The following THSD4 variants were observed in gnomAD, a reference collection of about 807,000 sequenced individuals.
THSD4 encodes thrombospondin type-1 domain-containing protein 4.
THSD4 carries 69 observed loss-of-function variants against 119.0 expected under a neutral mutation model. The ratio of observed to expected loss-of-function variants is 0.58; its 90% CI spans 0.48 to 0.71. The LOEUF (loss-of-function observed/expected upper bound fraction) is 0.71, where lower values mean the gene tolerates loss of function less well. Among genes scored for constraint, THSD4 ranks in the 30% least tolerant of loss-of-function variants. The pLI is 0.00. For synonymous variants in THSD4, 524 were observed against 540.4 expected, an observed-to-expected ratio of 0.97 and a Z score of 0.42; for missense variants, 1,393 against 1,391.1, an observed-to-expected ratio of 1.00 and a Z score of -0.02.
chr15:71,403,136 C>T (rs1206992281), intron 6 of THSD4, among the ~76,000 whole-genome samples: 1 of 152,062 alleles, frequency 6.6e-6, no homozygotes, highest in Admixed American at 6.6e-5. Context: ...CTTCCTAGTC[C>T]TGGCCATTCT....
intron 8 of THSD4, among the ~76,000 whole-genome samples, chr15:71,727,559 T>C (rs1261200259): frequency 1.6e-4 from 19 of 121,220 alleles, no homozygotes; most frequent in African/African-American, 7.3e-4. Flanking sequence ...AAAAAATATA[T>C]ATATATATAT....
At chr15:71,608,249 T>TATACACACACACACAC (rs772729777) in intron 7 of THSD4, among the ~76,000 whole-genome samples, 8 of 106,240 alleles carry the variant, frequency 7.5e-5, no homozygotes, top group African/African-American at 1.5e-4. Context: ...TATATATATA[T>TATACACACACACACAC]ACACACACAC....
intron 8 of THSD4, among the ~76,000 whole-genome samples, chr15:71,671,710 A>C (rs1490357433): frequency 6.6e-6 from 1 of 152,222 alleles, no homozygotes; most frequent in Non-Finnish European, 1.5e-5. Flanking sequence ...ATGGCTAGCC[A>C]GTTTTCCCAG....
intron 4 of THSD4, among the ~76,000 whole-genome samples, chr15:71,227,783 C>G (rs1190608032): frequency 6.6e-6 from 1 of 152,164 alleles, no homozygotes; most frequent in Non-Finnish European, 1.5e-5. Flanking sequence ...GGGTAATTTA[C>G]GTGAGGTTTA....
At chr15:71,569,355 A>G (rs1296058055) in intron 7 of THSD4, among the ~76,000 whole-genome samples, 1 of 152,186 alleles carries the variant, frequency 6.6e-6, no homozygotes, top group African/African-American at 2.4e-5. Context: ...GGAGAAAGAA[A>G]CCATATAAAT....
intron 7 of THSD4, among the ~76,000 whole-genome samples, chr15:71,513,837 T>C (rs1288728184): frequency 6.6e-6 from 1 of 152,112 alleles, no homozygotes; most frequent in East Asian, 1.9e-4. Context: ...ATAGATATAC[T>C]CAGCAACAAA....
At chr15:71,298,919 G>T (rs1300348505) in intron 6 of THSD4, among the ~76,000 whole-genome samples, 2 of 152,174 alleles carry the variant, frequency 1.3e-5, no homozygotes, top group African/African-American at 2.4e-5. Context: ...GCCCAGTGCT[G>T]ACCTTTTATT....
intron 6 of THSD4, among the ~76,000 whole-genome samples, chr15:71,387,603 A>G (rs968807612): frequency 2.6e-5 from 4 of 152,206 alleles, no homozygotes; most frequent in Non-Finnish European, 5.9e-5. Context: ...GTTGCCTGAT[A>G]TCTGTCTTAC....
Position 71,419,626 on chromosome 15 carries a change from C to T in THSD4, c.1152+7803C>T, listed in dbSNP as rs1184624400. Among the ~76,000 whole-genome samples, 2 of 108,030 alleles carry T rather than the reference C, an allele frequency of 1.9e-5. 1 individual carries two copies. The highest frequency in any genetic ancestry group is 6.3e-5 in the African/African-American group (2 of 31,684). The allele number at this position is 108,030 out of a possible 152,430, so 70.9% of individuals were successfully genotyped here. ...TAGGTGCTTATAAGTATAAACATCC[C>T]TCTTAGTACTGCTTTCAGTGTATCC... is the stretch of plus-strand genomic sequence containing the variant. On this transcript the variant is annotated intron_variant, in intron 7 of 17. Coordinates refer to ENST00000261862, the MANE Select transcript of THSD4 (RefSeq NM_024817.3).
intron 6 of THSD4, among the ~76,000 whole-genome samples, chr15:71,294,046 T>TC (rs2140328534): frequency 6.6e-6 from 1 of 152,296 alleles, no homozygotes; most frequent in Admixed American, 6.5e-5. Flanking sequence ...TTTGTATTTT[T>TC]CCTGCTTTAG....
chr15:71,381,970 C>T (rs1217219083), intron 6 of THSD4, among the ~76,000 whole-genome samples: 2 of 152,096 alleles, frequency 1.3e-5, no homozygotes, highest in East Asian at 3.9e-4. Context: ...ACTGAGAAAT[C>T]ACAAAGTTAA....
chr15:71,519,993 C>G (rs1310383748), intron 7 of THSD4, among the ~76,000 whole-genome samples: 2 of 152,160 alleles, frequency 1.3e-5, no homozygotes, highest in African/African-American at 2.4e-5. Context: ...CACAGGATAG[C>G]TAGTTTTTAT....
At chr15:71,438,310 G>A (rs993987954) in intron 7 of THSD4, among the ~76,000 whole-genome samples, 2 of 133,912 alleles carry the variant, frequency 1.5e-5, no homozygotes, top group African/African-American at 5.3e-5. Context: ...TTTAACTTAT[G>A]CCTTTGCTTA....
chr15:71,700,658 T>G (rs981568076), intron 8 of THSD4, among the ~76,000 whole-genome samples: 2 of 151,964 alleles, frequency 1.3e-5, no homozygotes, highest in Non-Finnish European at 2.9e-5. Context: ...CTACAAGATA[T>G]GAAAATTTTA....
chr15:71,524,622 A>G (rs1475146868), intron 7 of THSD4, among the ~76,000 whole-genome samples: 2 of 95,548 alleles, frequency 2.1e-5, no homozygotes, highest in Non-Finnish European at 1.9e-5. Flanking sequence ...TTTTGAGACG[A>G]GTCTCTATCT....
rs953735415 is a variant in THSD4, at chr15:71,533,577, ACT to A, written c.1152+121757_1152+121758del. On this transcript the variant is annotated intron_variant, in intron 7 of 17. Coordinates refer to ENST00000261862, the MANE Select transcript of THSD4 (RefSeq NM_024817.3). ...CATTATGAACAATACCAAGATGAAA[ACT>A]CTTTTTTAGACAAATTTTGGCTCAT... Among the ~76,000 whole-genome samples, 21 of 151,892 alleles carry A rather than the reference ACT, an allele frequency of 1.4e-4. No homozygotes were observed. The East Asian group carries it at 3.1e-3, about 22-fold the overall frequency.
intron 8 of THSD4, among the ~76,000 whole-genome samples, chr15:71,717,933 G>C (rs2052640745): frequency 6.6e-6 from 1 of 152,156 alleles, no homozygotes; most frequent in South Asian, 2.1e-4. Flanking sequence ...AGGATCACTT[G>C]AGCCCAGGAG....
intron 3 of THSD4, among the ~76,000 whole-genome samples, chr15:71,192,157 C>A (rs1209920611): frequency 6.6e-6 from 1 of 151,958 alleles, no homozygotes; most frequent in Non-Finnish European, 1.5e-5. Flanking sequence ...CCACCTCAGC[C>A]TCCCAAAATA....
chr15:71,566,757 C>T (rs561075980), intron 7 of THSD4, among the ~76,000 whole-genome samples: 186 of 151,870 alleles, frequency 1.2e-3, no homozygotes, highest in African/African-American at 4.4e-3. Context: ...CCCTGCTCCC[C>T]GCTCCCCCTG....
Sources: gnomAD v4.1 joint callset for allele counts (sites outside exome capture counted in the v4.1 genomes callset) on GRCh38, gnomAD v4.1.1 for gene constraint, MANE v1.5 for transcripts, NCBI Gene and HGNC (gene_info 2026-07-23, HGNC 2026-07-21) for gene names.